PLAC1: variants seen among roughly 807,000 people sequenced by gnomAD.
PLAC1 encodes placenta-specific protein 1.
For missense variants in PLAC1, 136 were observed against 163.2 expected (o/e 0.83, Z 0.91); for synonymous variants, 68 against 62.1 (o/e 1.09, Z -0.44).
chrX:134,614,546 A>T (rs1424707582), intron 1 of PLAC1, among the ~76,000 whole-genome samples: 1 of 111,303 alleles, frequency 9.0e-6, no homozygotes, highest in Admixed American at 9.6e-5. Flanking sequence ...GTTGTCACAA[A>T]TGGCAGGATC....
At chrX:134,722,832 G>T (rs765830794) in intron 2 of PLAC1, among the ~76,000 whole-genome samples, 5 of 110,242 alleles carry the variant, frequency 4.5e-5, no homozygotes, top group Non-Finnish European at 7.6e-5. Context: ...AGTTTATTCA[G>T]CCCTTAAATA....
At chrX:134,737,198 C>G (rs2078705323) in intron 1 of PLAC1, among the ~76,000 whole-genome samples, 1 of 112,407 alleles carries the variant, frequency 8.9e-6, no homozygotes, top group Non-Finnish European at 1.9e-5. Context: ...CCACTGCAGG[C>G]AATGTTATGA....
intron 2 of PLAC1, among the ~76,000 whole-genome samples, chrX:134,720,576 G>A (rs777074996): frequency 2.6e-4 from 29 of 110,935 alleles, no homozygotes; most frequent in Non-Finnish European, 5.1e-4. Flanking sequence ...GAAAACATAA[G>A]TGTAAATCTT....
intron 2 of PLAC1, among the ~76,000 whole-genome samples, chrX:134,593,484 A>G (rs140260431): frequency 0.02 from 2,199 of 112,618 alleles, 63 homozygotes; most frequent in African/African-American, 0.066. Flanking sequence ...TCAATTTGGA[A>G]ATAATTGACA....
chrX:134,729,162 G>A lies in PLAC1; in HGVS notation n.174+4273C>T, dbSNP rs1022303717. ...CCAGCACAATGCTAGGCACACAACA[G>A]ACACTCAATAATTCCAGTTGAATTG... On this transcript the variant is annotated intron_variant and non_coding_transcript_variant, in intron 2 of 2. Transcript: ENST00000466797. Among the ~76,000 whole-genome samples, 4 of 111,885 alleles carry A rather than the reference G, an allele frequency of 3.6e-5. No homozygotes were observed. In the Admixed American group the frequency reaches 3.8e-4, roughly 11 times the overall value.
At chrX:134,611,613 G>A (rs1398332460) in intron 1 of PLAC1, among the ~76,000 whole-genome samples, 2 of 108,253 alleles carry the variant, frequency 1.8e-5, no homozygotes, top group East Asian at 2.9e-4. Flanking sequence ...GCAATGATAT[G>A]CTTGCATATC....
At chrX:134,572,097 T>G (rs1300621723) in intron 2 of PLAC1, among the ~76,000 whole-genome samples, 1 of 111,826 alleles carries the variant, frequency 8.9e-6, no homozygotes. Flanking sequence ...GCAGCAAAGT[T>G]TGTTCACTCT....
intron 2 of PLAC1, among the ~76,000 whole-genome samples, chrX:134,599,785 C>T (rs1034727492): frequency 9.0e-6 from 1 of 111,398 alleles, no homozygotes; most frequent in Non-Finnish European, 1.9e-5. Flanking sequence ...GAAAAGCCTC[C>T]ATTTTGGCTG....
intron 2 of PLAC1, among the ~76,000 whole-genome samples, chrX:134,722,412 G>C (rs1279148318): frequency 1.8e-5 from 2 of 112,335 alleles, no homozygotes; most frequent in Non-Finnish European, 3.8e-5. Flanking sequence ...TCAGCAAAGT[G>C]AAATAAGCCA....
chrX:134,640,025 C>T (rs2078301026), intron 1 of PLAC1, among the ~76,000 whole-genome samples: 1 of 111,920 alleles, frequency 8.9e-6, no homozygotes, highest in Non-Finnish European at 1.9e-5. Context: ...GTGAGTAGTG[C>T]TGTTGTGAAC....
At chrX:134,682,445 G>A (rs1183194879) in intron 2 of PLAC1, among the ~76,000 whole-genome samples, 11 of 111,938 alleles carry the variant, frequency 9.8e-5, no homozygotes, top group Non-Finnish European at 1.7e-4. Context: ...GTTCTGAGGG[G>A]CTCAAGGGGA....
intron 1 of PLAC1, among the ~76,000 whole-genome samples, chrX:134,603,676 T>A (rs1180563388): frequency 9.1e-6 from 1 of 109,704 alleles, no homozygotes; most frequent in African/African-American, 3.3e-5. Context: ...ATTACTTGAT[T>A]TAAAAATAAA....
chrX:134,668,864 C>T (rs1417110213), intron 2 of PLAC1, among the ~76,000 whole-genome samples: 1 of 112,846 alleles, frequency 8.9e-6, no homozygotes. Context: ...CCCACCTCCC[C>T]CAGTGAGCAA....
chrX:134,755,011 C>T (rs146119195), intron 1 of PLAC1, among the ~76,000 whole-genome samples: 56 of 111,383 alleles, frequency 5.0e-4, no homozygotes, highest in African/African-American at 1.6e-3. Context: ...CATTTTAAAG[C>T]ACTTCAGATG....
chrX:134,750,000 A>G (rs2078737382), intron 1 of PLAC1, among the ~76,000 whole-genome samples: 1 of 111,421 alleles, frequency 9.0e-6, no homozygotes, highest in Non-Finnish European at 1.9e-5. Flanking sequence ...CCCAGGCAGA[A>G]GGGCCCTAAC....
chrX:134,687,832 A>ATATATG (rs2078523048), intron 2 of PLAC1, among the ~76,000 whole-genome samples: 1 of 39,709 alleles, frequency 2.5e-5, no homozygotes, highest in South Asian at 1.3e-3. Flanking sequence ...ATATATATAT[A>ATATATG]TATATATATA....
intron 2 of PLAC1, among the ~76,000 whole-genome samples, chrX:134,587,592 C>G (rs2078011497): frequency 9.2e-6 from 1 of 109,076 alleles, no homozygotes; most frequent in Non-Finnish European, 1.9e-5. Context: ...AAAAAAAAAG[C>G]CTCCACTTGT....
At chrX:134,571,575 G>A (rs1295181877) in intron 2 of PLAC1, among the ~76,000 whole-genome samples, 4 of 111,674 alleles carry the variant, frequency 3.6e-5, no homozygotes, top group Non-Finnish European at 7.5e-5. Flanking sequence ...TTCTTACCAT[G>A]AGCTCTATTT....
At chrX:134,681,580 C>G (rs1425607708) in intron 2 of PLAC1, among the ~76,000 whole-genome samples, 1 of 110,825 alleles carries the variant, frequency 9.0e-6, no homozygotes, top group Non-Finnish European at 1.9e-5. Context: ...CAAAGGAGCA[C>G]AAATTTTTAA....
Sources: allele counts gnomAD v4.1 joint callset (sites outside exome capture counted in the v4.1 genomes callset), GRCh38; gene constraint gnomAD v4.1.1; transcripts MANE v1.5; gene names NCBI Gene and HGNC (gene_info 2026-07-23, HGNC 2026-07-21).